ADGRA3: variants seen among roughly 807,000 people sequenced by gnomAD.
The protein encoded by ADGRA3 is G-protein coupled receptor 125.
ADGRA3 carries 56 observed loss-of-function variants against 119.8 expected under a neutral mutation model. The observed-to-expected ratio is 0.47, with a 90% CI of 0.38 to 0.58. The LOEUF (loss-of-function observed/expected upper bound fraction) is 0.58. Ranked by LOEUF, ADGRA3 falls within the 20% of genes least tolerant of loss-of-function variation. The probability of loss-of-function intolerance (pLI) is 0.00; values close to 1 mark genes in which losing one functional copy is unlikely to be tolerated. For missense variants in ADGRA3, 1,516 were observed against 1,649.0 expected, an observed-to-expected ratio of 0.92 and a Z score of 1.40; for synonymous variants, 607 against 623.8, an observed-to-expected ratio of 0.97 and a Z score of 0.40.
At chr4:22,404,799 T>G (rs766106984) in intron 14 of ADGRA3, among the ~76,000 whole-genome samples, 1 of 152,156 alleles carries the variant, frequency 6.6e-6, no homozygotes, top group Non-Finnish European at 1.5e-5. Flanking sequence ...GTCCAGAATA[T>G]TAGTAGGGAA....
Position 22,436,348 on chromosome 4 carries a change from C to G in ADGRA3, c.1287+92G>C, listed in dbSNP as rs567098541. 7.7e-6 allele frequency: 7 copies of G among 909,258 alleles called. No homozygotes were observed. In the East Asian group the frequency reaches 1.8e-4, roughly 24 times the overall value. 56.3% of individuals were successfully genotyped at this position (909,258 alleles called of 1,614,324 possible). On this transcript the variant is annotated intron_variant, in intron 9 of 18. Transcript: ENST00000334304. ...AAAACACAAAATCCTTATGTTTTGC[C>G]TAGTATTAAAAAAAAAAAAAAAACT...
At chr4:22,442,920 TAA>T in intron 6 of ADGRA3, 57 bp from the exon 7 acceptor site, 28 of 1,275,172 alleles carry the variant, frequency 2.2e-5, no homozygotes, top group Non-Finnish European at 3.1e-5. Context: ...ACACCATAAT[TAA>T]AAGTTACAGA....
chr4:22,428,571 T>C (rs1466917144), intron 10 of ADGRA3, among the ~76,000 whole-genome samples: 4 of 152,114 alleles, frequency 2.6e-5, no homozygotes, highest in South Asian at 2.1e-4. Flanking sequence ...AGATGACAAA[T>C]AGAGGAACCT....
chr4:22,412,886 T>C (rs948684971), intron 14 of ADGRA3, among the ~76,000 whole-genome samples: 1 of 152,148 alleles, frequency 6.6e-6, no homozygotes, highest in African/African-American at 2.4e-5. Context: ...GGAATCTGCA[T>C]CAACAGTCTC....
rs1478605897 is a variant in ADGRA3, at chr4:22,416,286, T to C, written c.1810-2472A>G. On this transcript the variant is annotated intron_variant, in intron 12 of 18. Coordinates refer to ENST00000334304, the MANE Select transcript of ADGRA3 (RefSeq NM_145290.4). ...TATGGATTATATCAATGGAAACAGA[T>C]AACAAACACACGAATGAGAGGTAAT... 4.6e-5 allele frequency among the ~76,000 whole-genome samples: 7 copies of C among 152,130 alleles called. No homozygotes were observed. The East Asian group carries it at 1.3e-3, about 29-fold the overall frequency.
rs1031946745 is a variant in ADGRA3, at chr4:22,387,461, CA to C, written c.*243del. The C allele has an allele frequency of 5.0e-6, 2 of 403,976 alleles. No individual in the cohort carries two copies. The highest frequency in any genetic ancestry group is 8.8e-6 in the Non-Finnish European group (2 of 226,692). The allele number at this position is 403,976 out of a possible 1,614,324, so 25.0% of individuals were successfully genotyped here. On this transcript the variant is annotated 3_prime_UTR_variant, in exon 19 of 19. Coordinates refer to ENST00000334304, the MANE Select transcript of ADGRA3 (RefSeq NM_145290.4). Reference sequence around the variant, plus strand: ...TTACAGATTCCAAGAAATTACATTTCACATCCCAAAATGTCCTGTTGGTGCT... The same window carrying C: ...TTACAGATTCCAAGAAATTACATTTCCATCCCAAAATGTCCTGTTGGTGCT...
chr4:22,490,202 C>T (rs571831119), intron 1 of ADGRA3, among the ~76,000 whole-genome samples: 2 of 151,986 alleles, frequency 1.3e-5, no homozygotes, highest in African/African-American at 2.4e-5. Flanking sequence ...AAAATTGAAG[C>T]GTTTTTAATG....
intron 3 of ADGRA3, among the ~76,000 whole-genome samples, chr4:22,458,542 TGTCTCCA>T (rs1275602691): frequency 1.3e-5 from 2 of 152,228 alleles, no homozygotes; most frequent in Admixed American, 1.3e-4. Context: ...TTTACCTGTG[TGTCTCCA>T]GACCCTTGCT....
chr4:22,478,457 A>G (rs893668273), intron 1 of ADGRA3, among the ~76,000 whole-genome samples: 3 of 152,226 alleles, frequency 2.0e-5, no homozygotes, highest in Non-Finnish European at 2.9e-5. Flanking sequence ...ATTTAAAAAT[A>G]TATTTCAAGA....
chr4:22,453,287 A>G (rs1717126424), intron 4 of ADGRA3, among the ~76,000 whole-genome samples: 1 of 152,128 alleles, frequency 6.6e-6, no homozygotes, highest in Non-Finnish European at 1.5e-5. Context: ...AAATGTTTGC[A>G]GGGCAATTAC....
In ADGRA3 at chr4:22,397,330, C is replaced by T. The variant is rs371792806; in HGVS notation, c.2481+4101G>A. Reference sequence around the variant, plus strand: ...CTGATTACCTGGGACTACAGGCGAGCGCTACTACGCTCAGCTAATTTTTGT... The same window carrying T: ...CTGATTACCTGGGACTACAGGCGAGTGCTACTACGCTCAGCTAATTTTTGT... On this transcript the variant is annotated intron_variant, in intron 16 of 18. Coordinates refer to ENST00000334304, the MANE Select transcript of ADGRA3 (RefSeq NM_145290.4). Among the ~76,000 whole-genome samples the T allele has an allele frequency of 2.8e-3, 418 of 151,894 alleles. 4 individuals are homozygous for T. The highest frequency in any genetic ancestry group is 9.0e-3 in the African/African-American group (375 of 41,460).
Position 22,447,469 on chromosome 4 carries a change from A to C in ADGRA3, c.516T>G (p.Thr172=). The C allele has an allele frequency of 1.3e-6, 2 of 1,579,896 alleles. No homozygotes were observed. The highest frequency in any genetic ancestry group is 8.6e-7 in the Non-Finnish European group (1 of 1,166,054). Residue 172 remains threonine, a synonymous_variant, in exon 5 of 19, where the codon ACT becomes ACG. Transcript: ENST00000334304. ...GNLFSSLSQG[T]FDYLASLRSL... is the part of the protein sequence containing the mutation. ...ACCGTAATGACGCAAGATAATCAAA[A>C]GTTCCTTGAGATAATGAAGAAAACA... is the stretch of plus-strand genomic sequence containing the variant.
chr4:22,492,553 G>GA (rs1361732479), intron 1 of ADGRA3, among the ~76,000 whole-genome samples: 5 of 152,056 alleles, frequency 3.3e-5, no homozygotes, highest in African/African-American at 1.2e-4. Flanking sequence ...GTGGGTGGAA[G>GA]AAAAAATAAA....
intron 14 of ADGRA3, among the ~76,000 whole-genome samples, chr4:22,409,515 CCT>C (rs1422455714): frequency 6.6e-6 from 1 of 152,152 alleles, no homozygotes; most frequent in African/African-American, 2.4e-5. Context: ...TGGCATTTAA[CCT>C]CTCTCTGCCT....
chr4:22,454,806 A>T, intron 4 of ADGRA3, 60 bp downstream of exon 4: 1 of 1,220,984 alleles, frequency 8.2e-7, no homozygotes, highest in Non-Finnish European at 1.2e-6. Context: ...TTTCATACAT[A>T]TTTAGGTACT....
intron 1 of ADGRA3, among the ~76,000 whole-genome samples, chr4:22,505,426 G>A (rs1404720552): frequency 2.0e-5 from 3 of 152,104 alleles, no homozygotes; most frequent in Admixed American, 6.5e-5. Context: ...GGCAGCTGAG[G>A]TGGGCGGATC....
At chr4:22,487,681 C>G (rs1372916779) in intron 1 of ADGRA3, among the ~76,000 whole-genome samples, 2 of 152,182 alleles carry the variant, frequency 1.3e-5, no homozygotes, top group East Asian at 1.9e-4. Context: ...AGCCACAGAG[C>G]AGGACAAGAG....
At chr4:22,401,630 C>T in intron 15 of ADGRA3, 76 bp from the exon 16 acceptor site, 1 of 1,098,196 alleles carries the variant, frequency 9.1e-7, no homozygotes, top group Non-Finnish European at 1.3e-6. Flanking sequence ...ATCTTAATTC[C>T]AACTTCATCA....
intron 2 of ADGRA3, among the ~76,000 whole-genome samples, chr4:22,467,675 C>T (rs1442132649): frequency 2.0e-5 from 3 of 152,124 alleles, no homozygotes; most frequent in African/African-American, 7.2e-5. Flanking sequence ...AAATTCTTGA[C>T]ATATTATATA....
Sources: gnomAD v4.1 joint callset for allele counts (sites outside exome capture counted in the v4.1 genomes callset) on GRCh38, gnomAD v4.1.1 for gene constraint, MANE v1.5 for transcripts, NCBI Gene and HGNC (gene_info 2026-07-23, HGNC 2026-07-21) for gene names.